SNTG1: variants seen among roughly 807,000 people sequenced by gnomAD.
The protein encoded by SNTG1 is gamma-1-syntrophin.
Under a neutral mutation model 74.7 loss-of-function variants are expected in SNTG1, and 39 were observed. That is an observed-to-expected ratio of 0.52 (90% CI 0.40 to 0.68). The LOEUF (loss-of-function observed/expected upper bound fraction) is 0.68. Ranked by LOEUF, SNTG1 falls within the 30% of genes least tolerant of loss-of-function variation. SNTG1 has a pLI of 0.00. For synonymous variants in SNTG1, 254 were observed against 217.1 expected (o/e 1.17, Z -1.49); for missense variants, 685 against 609.5 (o/e 1.12, Z -1.30).
At chr8:50,165,014 T>C (rs1468958944) in intron 1 of SNTG1, among the ~76,000 whole-genome samples, 1 of 152,122 alleles carries the variant, frequency 6.6e-6, no homozygotes, top group Admixed American at 6.6e-5. Flanking sequence ...GAAACTATGC[T>C]TCCCCCTCCC....
At chr8:50,488,335 A>G (rs10957941) in intron 8 of SNTG1, among the ~76,000 whole-genome samples, 90,519 of 152,078 alleles carry the variant, frequency 0.6, 31,281 homozygotes, top group Non-Finnish European at 0.77. Flanking sequence ...TCTGCCACAT[A>G]TTAGGTGCTA....
At chr8:50,159,009 T>C (rs1306294456) in intron 1 of SNTG1, among the ~76,000 whole-genome samples, 2 of 152,318 alleles carry the variant, frequency 1.3e-5, no homozygotes, top group Admixed American at 6.5e-5. Context: ...TCTAATTTGA[T>C]GGTTGAATAA....
intron 18 of SNTG1, among the ~76,000 whole-genome samples, chr8:50,791,624 T>C (rs7828150): frequency 0.073 from 11,024 of 151,914 alleles, 1,180 homozygotes; most frequent in African/African-American, 0.23. Flanking sequence ...ATGTAAGTTG[T>C]AAACACAGTC....
chr8:50,334,944 T>G (rs1587187037), intron 2 of SNTG1, among the ~76,000 whole-genome samples: 2 of 152,342 alleles, frequency 1.3e-5, no homozygotes, highest in Admixed American at 1.3e-4. Flanking sequence ...TGCCCAACTC[T>G]TCTGCTAGAT....
At chr8:49,983,578 G>A (rs1812874753) in intron 1 of SNTG1, among the ~76,000 whole-genome samples, 1 of 152,116 alleles carries the variant, frequency 6.6e-6, no homozygotes, top group South Asian at 2.1e-4. Context: ...ATGTATAAGA[G>A]CACTGAGTGT....
intron 2 of SNTG1, among the ~76,000 whole-genome samples, chr8:50,197,018 C>A (rs2083797490): frequency 6.6e-6 from 1 of 151,710 alleles, no homozygotes; most frequent in Non-Finnish European, 1.5e-5. Context: ...AAGTAGCATA[C>A]AGAGAGAGAA....
intron 1 of SNTG1, among the ~76,000 whole-genome samples, chr8:50,147,798 G>A (rs1166407724): frequency 6.6e-6 from 1 of 152,168 alleles, no homozygotes; most frequent in Non-Finnish European, 1.5e-5. Context: ...GCACATGCAT[G>A]GGATCTAGAA....
At chr8:50,572,859 A>T (rs1282998587) in intron 12 of SNTG1, among the ~76,000 whole-genome samples, 2 of 152,124 alleles carry the variant, frequency 1.3e-5, no homozygotes, top group Non-Finnish European at 2.9e-5. Flanking sequence ...ATCTCTAAAA[A>T]ATTGGAGGAA....
chr8:50,540,595 G>A (rs2094339645), intron 11 of SNTG1, among the ~76,000 whole-genome samples: 1 of 152,106 alleles, frequency 6.6e-6, no homozygotes, highest in Non-Finnish European at 1.5e-5. Flanking sequence ...ACATGGTAAA[G>A]TGTCCCACTA....
chr8:50,379,928 G>C (rs570587212), intron 2 of SNTG1, among the ~76,000 whole-genome samples: 1 of 152,274 alleles, frequency 6.6e-6, no homozygotes, highest in Non-Finnish European at 1.5e-5. Flanking sequence ...GATGTGTCCA[G>C]CTCCCATTTT....
Position 50,553,037 on chromosome 8 carries a change from T to C in SNTG1, c.681-13T>C, listed in dbSNP as rs770889883. ...CATGAGGTTTTGATCTGATTTGTTC[T>C]GAACATCTGCAGGCAGAATGCCTTT... On this transcript the variant is annotated splice_polypyrimidine_tract_variant and intron_variant, in intron 11 of 18. Transcript: ENST00000642720. The C allele has an allele frequency of 1.1e-5, 17 of 1,613,570 alleles. No individual in the cohort carries two copies. Among genetic ancestry groups the C allele is most frequent in the Admixed American group, 6.7e-5 (4 of 59,940 alleles).
At chr8:50,240,650 C>T (rs1338306709) in intron 2 of SNTG1, among the ~76,000 whole-genome samples, 3 of 152,152 alleles carry the variant, frequency 2.0e-5, no homozygotes, top group Non-Finnish European at 2.9e-5. Context: ...CAGTCAAGCT[C>T]CATCCTCCCC....
intron 2 of SNTG1, among the ~76,000 whole-genome samples, chr8:50,311,077 C>T (rs950152526): frequency 2.6e-5 from 4 of 152,202 alleles, no homozygotes; most frequent in African/African-American, 9.6e-5. Context: ...ATGATTCTTT[C>T]TAAAAATATT....
In SNTG1 at chr8:50,039,845, A is replaced by G. The variant is rs72639853; in HGVS notation, c.-103+127614A>G. Among the ~76,000 whole-genome samples, 656 of 152,310 alleles carry G rather than the reference A, an allele frequency of 4.3e-3. 2 individuals carry two copies. The highest frequency in any genetic ancestry group is 0.014 in the Middle Eastern group (4 of 294). On this transcript the variant is annotated intron_variant, in intron 1 of 18. Coordinates refer to ENST00000642720, the MANE Select transcript of SNTG1 (RefSeq NM_018967.5). ...ACCTCAGACCCGTAAGTCATGATTC[A>G]GAAGACACTGAACTTGCTAATGATT...
At chr8:50,259,570 AAG>A (rs1203816171) in intron 2 of SNTG1, among the ~76,000 whole-genome samples, 2 of 148,648 alleles carry the variant, frequency 1.3e-5, no homozygotes, top group African/African-American at 4.9e-5. Context: ...GAAAGAAAGA[AAG>A]AGAAAATAAA....
intron 15 of SNTG1, among the ~76,000 whole-genome samples, chr8:50,694,384 T>A (rs1334854144): frequency 6.6e-6 from 1 of 151,624 alleles, no homozygotes; most frequent in Non-Finnish European, 1.5e-5. Flanking sequence ...TAAGAGTAAA[T>A]GCTGAAAAAA....
chr8:50,450,626 G>A, intron 7 of SNTG1, 27 bp downstream of exon 7: 2 of 1,613,272 alleles, frequency 1.2e-6, no homozygotes, highest in Non-Finnish European at 1.7e-6. Context: ...TATATGTGTG[G>A]TCAAAACATT....
At chr8:49,926,541 A>C (rs186900993) in intron 1 of SNTG1, among the ~76,000 whole-genome samples, 1 of 152,254 alleles carries the variant, frequency 6.6e-6, no homozygotes, top group African/African-American at 2.4e-5. Context: ...TTCACATGCA[A>C]AGAAAATGAG....
intron 18 of SNTG1, 91 bp downstream of exon 18, chr8:50,752,202 C>G: frequency 1.8e-6 from 1 of 563,016 alleles, no homozygotes; most frequent in Non-Finnish European, 3.0e-6. Flanking sequence ...ATCACAAGAC[C>G]AAAAACACAC....
Sources: allele counts gnomAD v4.1 joint callset (sites outside exome capture counted in the v4.1 genomes callset), GRCh38; gene constraint gnomAD v4.1.1; transcripts MANE v1.5; gene names NCBI Gene and HGNC (gene_info 2026-07-23, HGNC 2026-07-21).